The following NPSR1 variants were observed in gnomAD, a reference collection of about 807,000 sequenced individuals.
NPSR1 encodes neuropeptide S receptor 1.
In NPSR1, 48 loss-of-function variants were observed where a neutral mutation model predicts 46.9. That is an observed-to-expected ratio of 1.02 (90% CI 0.81 to 1.30). The LOEUF (loss-of-function observed/expected upper bound fraction) is 1.30. Among genes scored for constraint, NPSR1 ranks in the 50% most tolerant of loss-of-function variants. The probability of loss-of-function intolerance (pLI) is 0.00; values close to 1 mark genes in which losing one functional copy is unlikely to be tolerated. For missense variants in NPSR1, 450 were observed against 449.5 expected, an observed-to-expected ratio of 1.00 and a Z score of -0.01; for synonymous variants, 176 against 168.1, an observed-to-expected ratio of 1.05 and a Z score of -0.36.
chr7:34,875,432 G>A (rs1030937865), intron 8 of NPSR1, among the ~76,000 whole-genome samples: 12 of 152,180 alleles, frequency 7.9e-5, no homozygotes, highest in South Asian at 4.1e-4. Context: ...AGCTGCTTCC[G>A]GCGCCCTACC....
intron 3 of NPSR1, among the ~76,000 whole-genome samples, chr7:34,795,327 G>A (rs1460388182): frequency 2.0e-5 from 3 of 152,082 alleles, no homozygotes; most frequent in African/African-American, 7.2e-5. Flanking sequence ...TTAATAGTGA[G>A]AAACTATGAG....
intron 2 of NPSR1, among the ~76,000 whole-genome samples, chr7:34,729,742 A>G (rs1291180059): frequency 6.6e-6 from 1 of 152,242 alleles, no homozygotes; most frequent in Non-Finnish European, 1.5e-5. Context: ...AATATTCAAG[A>G]ACAATCAAAA....
At chr7:34,713,988 T>C (rs967086565) in intron 2 of NPSR1, among the ~76,000 whole-genome samples, 16 of 152,264 alleles carry the variant, frequency 1.1e-4, no homozygotes, top group Non-Finnish European at 1.8e-4. Flanking sequence ...TTATTGCCTT[T>C]CATATTTCTG....
chr7:34,849,915 A>G lies in NPSR1; in HGVS notation c.*260A>G. On this transcript the variant is annotated 3_prime_UTR_variant, in exon 9 of 9. Coordinates refer to ENST00000360581, the MANE Select transcript of NPSR1 (RefSeq NM_207172.2). ...CCAGCCCTCCTTCCCACTGGCCAGC[A>G]CCTGAACCCAGTGAACACAGGCATT... 8.1e-7 allele frequency: 1 copy of G among 1,239,836 alleles called. No homozygotes were observed. Among genetic ancestry groups the G allele is most frequent in the Non-Finnish European group, 1.0e-6 (1 of 981,948 alleles). The allele number at this position is 1,239,836 out of a possible 1,614,324, so 76.8% of individuals were successfully genotyped here.
At chr7:34,662,151 C>T (rs10265037) in intron 1 of NPSR1, among the ~76,000 whole-genome samples, 27,156 of 152,100 alleles carry the variant, frequency 0.18, 3,559 homozygotes, top group African/African-American at 0.37. Context: ...TAGGTGAGCA[C>T]AGAAACATGA....
chr7:34,830,015 A>C (rs968839860), intron 5 of NPSR1, among the ~76,000 whole-genome samples: 1 of 152,228 alleles, frequency 6.6e-6, no homozygotes, highest in African/African-American at 2.4e-5. Context: ...CTGCTGAAGA[A>C]ACAACTTCTC....
At chr7:34,778,621 G>C (rs1787089565) in intron 3 of NPSR1, 56 bp downstream of exon 3, 1 of 1,129,268 alleles carries the variant, frequency 8.9e-7, no homozygotes, top group South Asian at 1.3e-5. Context: ...TTAGCTTTTA[G>C]ATTTATCTAA....
intron 8 of NPSR1, among the ~76,000 whole-genome samples, chr7:34,875,906 C>A (rs1232711759): frequency 6.6e-6 from 1 of 152,082 alleles, no homozygotes; most frequent in Non-Finnish European, 1.5e-5. Flanking sequence ...CCTGAAAGCC[C>A]TATTATAATG....
At chr7:34,807,310 A>G (rs1584066066) in intron 3 of NPSR1, among the ~76,000 whole-genome samples, 1 of 152,050 alleles carries the variant, frequency 6.6e-6, no homozygotes, top group East Asian at 1.9e-4. Flanking sequence ...TAGATATTTT[A>G]TAGCAATGTG....
intron 6 of NPSR1, among the ~76,000 whole-genome samples, chr7:34,836,368 A>G (rs1406911466): frequency 6.6e-6 from 1 of 152,228 alleles, no homozygotes; most frequent in African/African-American, 2.4e-5. Flanking sequence ...AAAGAGAATT[A>G]TATGGACAGG....
chr7:34,798,007 T>C (rs540714122), intron 3 of NPSR1, among the ~76,000 whole-genome samples: 2 of 152,238 alleles, frequency 1.3e-5, no homozygotes, highest in African/African-American at 4.8e-5. Flanking sequence ...AAGTAAACTT[T>C]TCTTACAAAA....
At chr7:34,679,046 T>C (rs1175481529) in intron 1 of NPSR1, among the ~76,000 whole-genome samples, 3 of 152,164 alleles carry the variant, frequency 2.0e-5, no homozygotes, top group African/African-American at 7.2e-5. Context: ...GAAGTCAAAT[T>C]TGAATGATTT....
chr7:34,677,023 C>CCAGT (rs772227409), intron 1 of NPSR1, among the ~76,000 whole-genome samples: 28 of 152,162 alleles, frequency 1.8e-4, no homozygotes, highest in Non-Finnish European at 3.5e-4. Flanking sequence ...GAACAAAAGC[C>CCAGT]CAGTCCAAGG....
At chr7:34,798,228 A>T (rs1788276777) in intron 3 of NPSR1, among the ~76,000 whole-genome samples, 1 of 152,130 alleles carries the variant, frequency 6.6e-6, no homozygotes, top group Non-Finnish European at 1.5e-5. Context: ...AAGTGAACTG[A>T]ATGACAATAT....
intron 2 of NPSR1, among the ~76,000 whole-genome samples, chr7:34,734,347 A>G (rs556123998): frequency 4.8e-4 from 73 of 152,224 alleles, no homozygotes; most frequent in African/African-American, 1.7e-3. Flanking sequence ...AAACAAGGCA[A>G]TAAATGTGGA....
intron 2 of NPSR1, among the ~76,000 whole-genome samples, chr7:34,700,668 T>C (rs1449294890): frequency 1.3e-5 from 2 of 152,210 alleles, no homozygotes; most frequent in Admixed American, 1.3e-4. Flanking sequence ...CTCTTTGAAT[T>C]CACATTTTGC....
At chr7:34,749,330 ATC>A (rs770570885) in intron 2 of NPSR1, among the ~76,000 whole-genome samples, 7 of 152,200 alleles carry the variant, frequency 4.6e-5, no homozygotes, top group African/African-American at 9.7e-5. Flanking sequence ...TTTCCTAAAA[ATC>A]TCTTTCTAAA....
At chr7:34,757,394 TTAAG>T (rs1785920297) in intron 2 of NPSR1, among the ~76,000 whole-genome samples, 1 of 152,254 alleles carries the variant, frequency 6.6e-6, no homozygotes, top group East Asian at 1.9e-4. Flanking sequence ...AAACATTGCA[TTAAG>T]TAAGATAATA....
intron 6 of NPSR1, among the ~76,000 whole-genome samples, chr7:34,842,904 A>C (rs1329172745): frequency 1.3e-5 from 2 of 152,180 alleles, no homozygotes; most frequent in East Asian, 3.9e-4. Context: ...CTCTCCACGC[A>C]TTTGTAGGCT....
Sources: allele counts gnomAD v4.1 joint callset (sites outside exome capture counted in the v4.1 genomes callset), GRCh38; gene constraint gnomAD v4.1.1; transcripts MANE v1.5; gene names NCBI Gene and HGNC (gene_info 2026-07-23, HGNC 2026-07-21).